The following VIM variants were observed in gnomAD, a reference collection of about 807,000 sequenced individuals.
VIM encodes the protein vimentin.
A neutral mutation model predicts 50.3 loss-of-function variants in VIM; 18 were observed. That is an observed-to-expected ratio of 0.36 (90% CI 0.25 to 0.53). The LOEUF is 0.53. Ranked by LOEUF, VIM falls within the 20% of genes least tolerant of loss-of-function variation. The pLI, the probability that VIM is intolerant of heterozygous loss-of-function variation, is 0.91. For missense variants in VIM, 551 were observed against 614.7 expected (o/e 0.90, Z 1.10); for synonymous variants, 245 against 248.5 (o/e 0.99, Z 0.13).
chr10:17,234,646 A>G (rs1846855102), intron 5 of VIM, 47 bp from the exon 6 acceptor site: 1 of 1,611,598 alleles, frequency 6.2e-7, no homozygotes, highest in African/African-American at 1.3e-5. Context: ...AAGAGAGTCA[A>G]AAGACTTGAA....
intron 3 of VIM, 143 bp downstream of exon 3, chr10:17,230,853 C>A: frequency 1.2e-6 from 1 of 824,730 alleles, no homozygotes; most frequent in Non-Finnish European, 2.0e-6. Flanking sequence ...GGGAAGACCA[C>A]AGGTTGGAGC....
At chr10:17,230,007 T>C in intron 2 of VIM, 22 bp downstream of exon 2, 1 of 1,596,484 alleles carries the variant, frequency 6.3e-7, no homozygotes, top group Non-Finnish European at 8.5e-7. Flanking sequence ...CCCATGCAAG[T>C]AGCTGGGCCT....
chr10:17,229,521 G>T lies in VIM; in HGVS notation c.99G>T (p.Thr33=), dbSNP rs531385322. Residue 33 remains threonine, a synonymous_variant, in exon 2 of 10, where the codon ACG becomes ACT. Transcript: ENST00000544301. ...GCTCCAGCCGGAGCTACGTGACTACGTCCACCCGCACCTACAGCCTGGGCA... is the reference window on the plus strand; with the variant it reads ...GCTCCAGCCGGAGCTACGTGACTACTTCCACCCGCACCTACAGCCTGGGCA... ...RPSSSRSYVT[T]STRTYSLGSA... 1.9e-4 allele frequency: 308 copies of T among 1,608,148 alleles called. 3 individuals are homozygous for T. In the South Asian group the frequency reaches 3.1e-3, roughly 16 times the overall value.
At chr10:17,230,363 G>A (rs1846764916) in intron 2 of VIM, 2 of 572,622 alleles carry the variant, frequency 3.5e-6, no homozygotes, top group Non-Finnish European at 6.2e-6. Context: ...GAGAAGGAAG[G>A]AGGGGAAGGC....
chr10:17,233,767 C>G lies in VIM; in HGVS notation c.721-3C>G. 6.2e-7 allele frequency: 1 copy of G among 1,614,180 alleles called. No individual in the cohort carries two copies. The highest frequency in any genetic ancestry group is 8.5e-7 in the Non-Finnish European group (1 of 1,180,016). On this transcript the variant is annotated splice_region_variant and splice_polypyrimidine_tract_variant and intron_variant, in intron 4 of 9. Transcript: ENST00000544301. ...GCTGACCGTCTGTCTGTTCTTTTTG[C>G]AGGAAATCCAGGAGCTGCAGGCTCA...
At chr10:17,232,529 G>A (rs541982514) in intron 3 of VIM, among the ~76,000 whole-genome samples, 6 of 152,304 alleles carry the variant, frequency 3.9e-5, no homozygotes, top group Admixed American at 1.3e-4. Context: ...TGATACAGTG[G>A]CAAGTGAAAA....
intron 9 of VIM, 55 bp downstream of exon 9, chr10:17,236,434 T>A: frequency 7.2e-7 from 1 of 1,386,988 alleles, no homozygotes; most frequent in Non-Finnish European, 1.0e-6. Context: ...TTGATATATT[T>A]TAAAATCAGT....
In VIM at chr10:17,229,556, G is replaced by A. The variant is rs778098458; in HGVS notation, c.134G>A (p.Arg45His). The change falls in exon 2 of 10, where the codon CGC becomes CAC. Residue 45 changes from arginine (R) to histidine (H), a missense_variant. This residue lies in a region of VIM where 134 missense variants were observed against 126.4 expected (regional missense o/e 1.06). Transcript: ENST00000544301. ...ACCTACAGCCTGGGCAGCGCGCTGC[G>A]CCCCAGCACCAGCCGCAGCCTCTAC... ...TRTYSLGSAL[R>H]PSTSRSLYAS... 1.9e-6 allele frequency: 3 copies of A among 1,607,132 alleles called. No individual in the cohort carries two copies. The Admixed American group carries it at 5.0e-5, about 27-fold the overall frequency.
At chr10:17,232,239 AC>A (rs1246662435) in intron 3 of VIM, among the ~76,000 whole-genome samples, 36 of 152,312 alleles carry the variant, frequency 2.4e-4, no homozygotes, top group Admixed American at 1.8e-3. Flanking sequence ...TCTTTTTGTC[AC>A]CCACTCTTCA....
chr10:17,231,471 A>G (rs1052941149), intron 3 of VIM, among the ~76,000 whole-genome samples: 2 of 152,196 alleles, frequency 1.3e-5, no homozygotes, highest in African/African-American at 4.8e-5. Context: ...GACAGAAATA[A>G]TAGGAGTCTT....
rs1846774011 is a variant in VIM at position 17,230,675 on chromosome 10, G to C, written c.589G>C (p.Glu197Gln). The C allele has an allele frequency of 8.7e-6, 14 of 1,614,182 alleles. No homozygotes were observed. The East Asian group carries it at 3.1e-4, about 36-fold the overall frequency. The change falls in exon 3 of 10, where the codon GAG becomes CAG. Residue 197 changes from glutamate (E) to glutamine (Q), a missense_variant. Around this residue, in one of 3 missense-constraint regions of VIM, gnomAD observed 394 missense variants for 437.5 expected, o/e 0.90. Coordinates refer to ENST00000544301, the MANE Select transcript of VIM (RefSeq NM_003380.5). ...ATTGCAGGAGGAGATGCTTCAGAGAGAGGAAGCCGAAAACACCCTGCAATC... is the reference window on the plus strand; with the variant it reads ...ATTGCAGGAGGAGATGCTTCAGAGACAGGAAGCCGAAAACACCCTGCAATC... ...EKLQEEMLQR[E>Q]EAENTLQSFR...
intron 3 of VIM, among the ~76,000 whole-genome samples, chr10:17,231,773 GT>G (rs11349733): frequency 0.47 from 67,106 of 141,478 alleles, 15,583 homozygotes; most frequent in East Asian, 0.71. Context: ...TTTTGTGCGT[GT>G]TTTTTTTTTT....
At position 17,228,446 on chromosome 10, in the gene VIM, G is replaced by C. The variant is rs1846717173; in HGVS notation, c.-226G>C. 6.6e-6 allele frequency: 1 copy of C among 152,262 alleles called. No homozygotes were observed. The highest frequency in any genetic ancestry group is 2.4e-5 in the African/African-American group (1 of 41,464). The allele number at this position is 152,262 out of a possible 1,614,324, so 9.4% of individuals were successfully genotyped here. On this transcript the variant is annotated 5_prime_UTR_variant, in exon 1 of 10. Transcript: ENST00000544301. ...AGAACTAGCAGCGCGCGCGGAGCCC[G>C]CTGAGACTTGAATCAATCTGGTCTA...
chr10:17,230,247 TACC>T, intron 2 of VIM: 1 of 588,284 alleles, frequency 1.7e-6, no homozygotes, highest in Non-Finnish European at 3.0e-6. Context: ...TTCTTAAAAC[TACC>T]ACTTTGTGTG....
chr10:17,233,582 A>C lies in VIM; in HGVS notation c.625-5A>C, dbSNP rs368990459. 1 of 1,613,804 alleles carries C rather than the reference A, an allele frequency of 6.2e-7. No individual in the cohort carries two copies. Among genetic ancestry groups the C allele is most frequent in the Non-Finnish European group, 8.5e-7 (1 of 1,179,818 alleles). On this transcript the variant is annotated splice_region_variant and splice_polypyrimidine_tract_variant and intron_variant, in intron 3 of 9. Coordinates refer to ENST00000544301, the MANE Select transcript of VIM (RefSeq NM_003380.5). ...CATGTCCTGTCTTTTCTCTGTTCAA[A>C]ATAGGATGTTGACAATGCGTCTCTG...
chr10:17,229,495 A>C lies in VIM; in HGVS notation c.73A>C (p.Ser25Arg). The C allele has an allele frequency of 6.2e-7, 1 of 1,607,694 alleles. No homozygotes were observed. The highest frequency in any genetic ancestry group is 8.5e-7 in the Non-Finnish European group (1 of 1,179,170). The stretch of plus-strand genomic sequence containing the variant: ...CGGCCCGGGCACCGCGAGCCGGCCG[A>C]GCTCCAGCCGGAGCTACGTGACTAC... ...FGGPGTASRP[S>R]SSRSYVTTST... Residue 25 changes from serine to arginine, a missense_variant, in exon 2 of 10, where the codon AGC (serine) becomes CGC (arginine). Coordinates refer to ENST00000544301, the MANE Select transcript of VIM (RefSeq NM_003380.5).
intron 8 of VIM, 196 bp downstream of exon 8, chr10:17,236,085 C>T (rs1269840373): frequency 5.0e-5 from 36 of 720,838 alleles, no homozygotes; most frequent in Admixed American, 2.5e-5. Flanking sequence ...CTTTTTCCTT[C>T]TTCCTGCTGC....
intron 2 of VIM, 153 bp from the exon 3 acceptor site, chr10:17,230,497 C>T: frequency 1.1e-6 from 1 of 895,194 alleles, no homozygotes; most frequent in Non-Finnish European, 1.9e-6. Context: ...TGAAACCTGC[C>T]GAGGGCAGCA....
Position 17,232,094 on chromosome 10 carries a change from G to C in VIM, c.624+1384G>C, listed in dbSNP as rs190774051. Among the ~76,000 whole-genome samples the C allele has an allele frequency of 9.7e-4, 148 of 152,186 alleles. 3 individuals carry two copies. The highest frequency in any genetic ancestry group is 9.3e-3 in the Admixed American group (142 of 15,278). ...ATCAATACAAAAGATCCTCTGTTTC[G>C]AGATTAAGCAAAATTCCTCATTCTC... On this transcript the variant is annotated intron_variant, in intron 3 of 9. Transcript: ENST00000544301.
Sources: gnomAD v4.1 joint callset for allele counts (sites outside exome capture counted in the v4.1 genomes callset) on GRCh38, gnomAD v4.1.1 for gene constraint, gnomAD v4.1.1 regional missense constraint, MANE v1.5 for transcripts, NCBI Gene and HGNC (gene_info 2026-07-23, HGNC 2026-07-21) for gene names.